The following SPDYE12 variants were observed in gnomAD, a reference collection of about 807,000 sequenced individuals.
SPDYE12 encodes the protein speedy protein E12.
chr7:74,907,414 G>A, the SPDYE12 span, among the ~76,000 whole-genome samples: 2 of 151,270 alleles, frequency 1.3e-5, no homozygotes, highest in Admixed American at 6.6e-5. Flanking sequence ...GGGCAACATA[G>A]CAAGACCCTC....
the SPDYE12 span, among the ~76,000 whole-genome samples, chr7:74,909,806 G>T: frequency 4.0e-5 from 6 of 150,394 alleles, 1 homozygote; most frequent in East Asian, 5.9e-4. Context: ...GCCGGAGGAA[G>T]GGTTTTCGGT....
At chr7:74,910,892 T>C in the SPDYE12 span, 4 of 1,428,546 alleles carry the variant, frequency 2.8e-6, no homozygotes, top group Non-Finnish European at 3.9e-6. Context: ...AATGACAGGA[T>C]CCTCTGTGAT....
the SPDYE12 span, chr7:74,909,455 G>C: frequency 1.5e-5 from 15 of 1,017,476 alleles, no homozygotes; most frequent in Non-Finnish European, 2.0e-5. Flanking sequence ...TGAAAGGCTG[G>C]AATCCCACTT....
chr7:74,908,933 G>A, the SPDYE12 span, among the ~76,000 whole-genome samples: 5 of 148,892 alleles, frequency 3.4e-5, no homozygotes, highest in South Asian at 2.1e-4. Flanking sequence ...CGCCCACCTC[G>A]GCCTCCCAAA....
chr7:74,910,842 C>T, the SPDYE12 span: 3 of 1,233,480 alleles, frequency 2.4e-6, no homozygotes, highest in East Asian at 2.4e-5. Context: ...CTTACCTTGT[C>T]CGACACCCTC....
the SPDYE12 span, among the ~76,000 whole-genome samples, chr7:74,908,570 C>T: frequency 2.1e-5 from 3 of 139,702 alleles, no homozygotes; most frequent in Non-Finnish European, 4.6e-5. Flanking sequence ...GAACCGGAAA[C>T]GTCTGCTTGC....
chr7:74,910,676 A>G, the SPDYE12 span, among the ~76,000 whole-genome samples: 1 of 151,510 alleles, frequency 6.6e-6, no homozygotes, highest in South Asian at 2.1e-4. Flanking sequence ...GCAACAGAGC[A>G]AGACTGTGTC....
the SPDYE12 span, among the ~76,000 whole-genome samples, chr7:74,910,462 G>A: frequency 1.3e-5 from 2 of 148,444 alleles, no homozygotes; most frequent in African/African-American, 2.5e-5. Context: ...GGCCAAGGCG[G>A]GTGGATCACC....
the SPDYE12 span, chr7:74,910,719 A>G: frequency 1.3e-5 from 18 of 1,387,718 alleles, no homozygotes; most frequent in East Asian, 6.9e-5. Context: ...AAAACAAAAA[A>G]AAACTGTAGG....
At chr7:74,908,265 GTTGTAGAGA>G in the SPDYE12 span, among the ~76,000 whole-genome samples, 5 of 126,166 alleles carry the variant, frequency 4.0e-5, no homozygotes, top group Non-Finnish European at 8.5e-5. Context: ...AGCCAGTGTG[GTTGTAGAGA>G]TTGTAGAGAG....
the SPDYE12 span, chr7:74,910,804 A>T: frequency 6.0e-5 from 71 of 1,192,144 alleles, 1 homozygote; most frequent in East Asian, 1.6e-3. Flanking sequence ...GTGCGTTAGA[A>T]CAGGAACACA....
At chr7:74,908,364 TGTC>T in the SPDYE12 span, among the ~76,000 whole-genome samples, 1 of 118,388 alleles carries the variant, frequency 8.4e-6, no homozygotes, top group South Asian at 3.0e-4. Flanking sequence ...GCAGTGAGGT[TGTC>T]GTGCTTTGGA....
chr7:74,907,747 AAAT>A, the SPDYE12 span, among the ~76,000 whole-genome samples: 1 of 146,560 alleles, frequency 6.8e-6, no homozygotes, highest in Non-Finnish European at 1.5e-5. Context: ...ATAAATAAAT[AAAT>A]AAATAAATAA....
At chr7:74,904,685 G>T in the SPDYE12 span, among the ~76,000 whole-genome samples, 1 of 150,952 alleles carries the variant, frequency 6.6e-6, no homozygotes, top group South Asian at 2.1e-4. Context: ...TTATATGTAT[G>T]TGTATACAAC....
At chr7:74,909,202 C>T in the SPDYE12 span, among the ~76,000 whole-genome samples, 35 of 150,642 alleles carry the variant, frequency 2.3e-4, no homozygotes, top group African/African-American at 7.5e-4. Flanking sequence ...TACAGGTGCA[C>T]ACCAACATGC....
chr7:74,907,542 G>A, the SPDYE12 span, among the ~76,000 whole-genome samples: 1 of 150,998 alleles, frequency 6.6e-6, no homozygotes, highest in African/African-American at 2.4e-5. Context: ...GACCAGCCTG[G>A]TCAACACAGA....
the SPDYE12 span, chr7:74,909,730 G>T: frequency 4.5e-6 from 6 of 1,324,280 alleles, no homozygotes; most frequent in African/African-American, 1.4e-5. Flanking sequence ...CAGCATTGGG[G>T]TGACTGTGCT....
At chr7:74,909,978 G>A in the SPDYE12 span, among the ~76,000 whole-genome samples, 2 of 150,736 alleles carry the variant, frequency 1.3e-5, no homozygotes, top group East Asian at 1.9e-4. Flanking sequence ...TGTGGCCCAG[G>A]GCTCAGATCC....
chr7:74,914,923 CA>C, the SPDYE12 span, among the ~76,000 whole-genome samples: 1 of 77,520 alleles, frequency 1.3e-5, no homozygotes, highest in Non-Finnish European at 2.9e-5. Flanking sequence ...AACTACATCT[CA>C]AAAAAAAAAA....
Sources: allele counts gnomAD v4.1 joint callset (sites outside exome capture counted in the v4.1 genomes callset), GRCh38; gene constraint gnomAD v4.1.1; transcripts MANE v1.5; gene names NCBI Gene and HGNC (gene_info 2026-07-23, HGNC 2026-07-21).